FBXW7: variants seen among roughly 807,000 people sequenced by gnomAD.
FBXW7 encodes the protein F-box and WD repeat domain containing 7, also known as F-box/WD repeat-containing protein 7.
FBXW7 carries 11 observed loss-of-function variants against 86.3 expected under a neutral mutation model. The ratio of observed to expected loss-of-function variants is 0.13; its 90% CI spans 0.08 to 0.21. The LOEUF (loss-of-function observed/expected upper bound fraction) is 0.21, where lower values mean the gene tolerates loss of function less well. FBXW7 is among the 10% of genes least tolerant of loss of function. The probability of loss-of-function intolerance (pLI) is 1.00; values close to 1 mark genes in which losing one functional copy is unlikely to be tolerated. For missense variants in FBXW7, 488 were observed against 847.4 expected, an observed-to-expected ratio of 0.58 and a Z score of 5.27; for synonymous variants, 313 against 297.9, an observed-to-expected ratio of 1.05 and a Z score of -0.52.
intron 2 of FBXW7, among the ~76,000 whole-genome samples, chr4:152,439,936 A>G (rs1740735556): frequency 6.6e-6 from 1 of 151,972 alleles, no homozygotes; most frequent in African/African-American, 2.4e-5. Context: ...CTTCTTCCAT[A>G]TGTGCTGTTA....
chr4:152,418,213 T>A (rs1295234221), intron 2 of FBXW7, among the ~76,000 whole-genome samples: 1 of 151,596 alleles, frequency 6.6e-6, no homozygotes, highest in Non-Finnish European at 1.5e-5. Flanking sequence ...TGAACTGAAA[T>A]GGGTCCTTTA....
chr4:152,342,332 G>C (rs1275838292), intron 6 of FBXW7, among the ~76,000 whole-genome samples: 1 of 152,194 alleles, frequency 6.6e-6, no homozygotes, highest in African/African-American at 2.4e-5. Context: ...TAATGAGTCT[G>C]AGTCTCAGAG....
chr4:152,402,875 C>T (rs1482093988), intron 4 of FBXW7, among the ~76,000 whole-genome samples: 5 of 152,138 alleles, frequency 3.3e-5, no homozygotes, highest in Non-Finnish European at 7.4e-5. Flanking sequence ...GATGTCAACA[C>T]AAAATAAAGA....
At chr4:152,472,581 C>CA (rs928741474) in intron 2 of FBXW7, among the ~76,000 whole-genome samples, 16 of 151,154 alleles carry the variant, frequency 1.1e-4, no homozygotes, top group East Asian at 5.8e-4. Context: ...TATAAAAATT[C>CA]AAAAAAAAGC....
intron 4 of FBXW7, among the ~76,000 whole-genome samples, chr4:152,407,782 G>A (rs940238416): frequency 2.0e-5 from 3 of 151,924 alleles, no homozygotes; most frequent in Admixed American, 2.0e-4. Context: ...CCAGATCACT[G>A]CAGCCTCAAC....
At chr4:152,429,495 T>C (rs1261780733) in intron 2 of FBXW7, among the ~76,000 whole-genome samples, 1 of 152,058 alleles carries the variant, frequency 6.6e-6, no homozygotes, top group African/African-American at 2.4e-5. Context: ...GGTCTTTTTA[T>C]ATAAAAAGAG....
chr4:152,432,115 C>G (rs938294778), intron 2 of FBXW7, among the ~76,000 whole-genome samples: 1 of 152,154 alleles, frequency 6.6e-6, no homozygotes, highest in Non-Finnish European at 1.5e-5. Flanking sequence ...TTGGTCCTAT[C>G]ATATTCTTCG....
At chr4:152,527,620 A>T (rs1039172953) in intron 2 of FBXW7, among the ~76,000 whole-genome samples, 13 of 151,666 alleles carry the variant, frequency 8.6e-5, no homozygotes, top group South Asian at 2.1e-4. Flanking sequence ...TTTTTTTTTT[A>T]AATTTGCAGG....
chr4:152,422,808 C>A (rs1739062262), intron 2 of FBXW7, among the ~76,000 whole-genome samples: 1 of 152,156 alleles, frequency 6.6e-6, no homozygotes, highest in Non-Finnish European at 1.5e-5. Context: ...TAATTACATC[C>A]TGTATTTATC....
At chr4:152,448,452 CT>C (rs1250956972) in intron 2 of FBXW7, among the ~76,000 whole-genome samples, 1 of 152,010 alleles carries the variant, frequency 6.6e-6, no homozygotes, top group African/African-American at 2.4e-5. Context: ...ATGTAGTTAC[CT>C]TTGGTTGCCT....
chr4:152,514,097 T>C (rs1173426084), intron 2 of FBXW7, among the ~76,000 whole-genome samples: 1 of 152,252 alleles, frequency 6.6e-6, no homozygotes, highest in Non-Finnish European at 1.5e-5. Context: ...AAATATATTA[T>C]TAAAATTAAT....
intron 8 of FBXW7, among the ~76,000 whole-genome samples, 178 bp from the exon 9 acceptor site, chr4:152,331,046 A>ATATGC (rs2126538848): frequency 6.6e-6 from 1 of 152,206 alleles, no homozygotes; most frequent in Admixed American, 6.6e-5. Flanking sequence ...TGTAAAGTTT[A>ATATGC]CATTCTATAT....
chr4:152,465,175 A>C (rs561935172), intron 2 of FBXW7, among the ~76,000 whole-genome samples: 11 of 152,124 alleles, frequency 7.2e-5, no homozygotes, highest in Non-Finnish European at 1.3e-4. Context: ...AGTGGTTTAA[A>C]GGGTACTTAC....
rs1188648534 is a variant in FBXW7 at position 152,326,463 on chromosome 4, A to C, written c.1419-232T>G. On this transcript the variant is annotated intron_variant, in intron 11 of 13. Transcript: ENST00000281708. Reference sequence around the variant, plus strand: ...AGAATGCTGCATGCTTGGTTCCCTGACCTGGGGACCTTAGGTTCAGCACCT... The same window carrying C: ...AGAATGCTGCATGCTTGGTTCCCTGCCCTGGGGACCTTAGGTTCAGCACCT... Among the ~76,000 whole-genome samples the C allele has an allele frequency of 4.6e-5, 7 of 151,838 alleles. No individual in the cohort carries two copies. In the East Asian group the frequency reaches 1.4e-3, roughly 29 times the overall value.
chr4:152,322,812 T>G lies in FBXW7; in HGVS notation c.*69A>C. On this transcript the variant is annotated 3_prime_UTR_variant, in exon 14 of 14. Coordinates refer to ENST00000281708, the MANE Select transcript of FBXW7 (RefSeq NM_001349798.2). ...TTTTTTTCTTTTTCTTTTCTTTTTT[T>G]CTTTTTGCAGGGGGAAGGGCAGGGA... 6.4e-7 allele frequency: 1 copy of G among 1,567,112 alleles called. No individual in the cohort carries two copies. The highest frequency in any genetic ancestry group is 8.6e-7 in the Non-Finnish European group (1 of 1,160,720).
At chr4:152,512,784 A>G (rs1323836002) in intron 2 of FBXW7, among the ~76,000 whole-genome samples, 1 of 152,194 alleles carries the variant, frequency 6.6e-6, no homozygotes, top group Non-Finnish European at 1.5e-5. Flanking sequence ...GGTTCTTTTG[A>G]GGTAATGAAA....
chr4:152,454,769 A>G (rs926007390), intron 2 of FBXW7, among the ~76,000 whole-genome samples: 4 of 152,182 alleles, frequency 2.6e-5, no homozygotes, highest in Non-Finnish European at 5.9e-5. Context: ...AGAAAAAGAT[A>G]TGGAAGATAA....
At position 152,482,021 on chromosome 4, in the gene FBXW7, T is replaced by C. The variant is rs1209597081; in HGVS notation, c.-120+52920A>G. Among the ~76,000 whole-genome samples, 3 of 152,184 alleles carry C rather than the reference T, an allele frequency of 2.0e-5. No individual in the cohort carries two copies. The East Asian group carries it at 5.8e-4, about 29-fold the overall frequency. Reference sequence around the variant, plus strand: ...AATTTCTACTGTGGGTAAAACACTATTAAACAACATCACATTCTACAGAGA... The same window carrying C: ...AATTTCTACTGTGGGTAAAACACTACTAAACAACATCACATTCTACAGAGA... On this transcript the variant is annotated intron_variant, in intron 2 of 13. Coordinates refer to ENST00000281708, the MANE Select transcript of FBXW7 (RefSeq NM_001349798.2).
intron 7 of FBXW7, among the ~76,000 whole-genome samples, chr4:152,334,130 C>T (rs1358618957): frequency 1.3e-5 from 2 of 152,158 alleles, no homozygotes; most frequent in Non-Finnish European, 2.9e-5. Flanking sequence ...ATACAAAATA[C>T]TCCAACCAGC....
Sources: allele counts gnomAD v4.1 joint callset (sites outside exome capture counted in the v4.1 genomes callset), GRCh38; gene constraint gnomAD v4.1.1; transcripts MANE v1.5; gene names NCBI Gene and HGNC (gene_info 2026-07-23, HGNC 2026-07-21).